Variants in C7orf78 observed in about 807,000 individuals in gnomAD.
C7orf78 encodes the protein chromosome 7 open reading frame 78, also known as putative uncharacterized protein C7orf78.
the C7orf78 span, among the ~76,000 whole-genome samples, chr7:12,533,209 G>A: frequency 2.0e-5 from 3 of 152,034 alleles, no homozygotes; most frequent in Admixed American, 2.0e-4. Flanking sequence ...TGTTTTGTTT[G>A]TTTGTTTTTG....
chr7:12,499,909 A>C, the C7orf78 span, among the ~76,000 whole-genome samples: 2 of 133,756 alleles, frequency 1.5e-5, no homozygotes, highest in African/African-American at 2.8e-5. Context: ...TCAAACTAGA[A>C]CTCAGTATTA....
At chr7:12,501,528 T>C in the C7orf78 span, among the ~76,000 whole-genome samples, 3 of 149,092 alleles carry the variant, frequency 2.0e-5, no homozygotes, top group African/African-American at 4.9e-5. Flanking sequence ...TTACAAGGGA[T>C]GTGAAGGACC....
the C7orf78 span, among the ~76,000 whole-genome samples, chr7:12,494,426 G>A: frequency 3.2e-4 from 48 of 152,164 alleles, no homozygotes; most frequent in African/African-American, 9.2e-4. Context: ...TGAAGAAGGA[G>A]GTGTCTAACC....
the C7orf78 span, among the ~76,000 whole-genome samples, chr7:12,497,718 G>A: frequency 6.6e-6 from 1 of 151,994 alleles, no homozygotes. Flanking sequence ...AGCTCGAACT[G>A]GGTGGAGCCC....
the C7orf78 span, among the ~76,000 whole-genome samples, chr7:12,524,484 AATAAC>A: frequency 2.6e-5 from 4 of 152,138 alleles, no homozygotes; most frequent in Admixed American, 6.6e-5. Context: ...ATTCATAGTA[AATAAC>A]ATATGTTACC....
At chr7:12,531,534 A>G in the C7orf78 span, among the ~76,000 whole-genome samples, 1 of 152,206 alleles carries the variant, frequency 6.6e-6, no homozygotes, top group South Asian at 2.1e-4. Flanking sequence ...AGAATTAAAT[A>G]AGATGATATA....
the C7orf78 span, chr7:12,538,204 A>G: frequency 9.0e-4 from 137 of 152,290 alleles, no homozygotes; most frequent in African/African-American, 3.1e-3. Context: ...ATTGTTTTAA[A>G]TTTCAAAAAG....
chr7:12,539,096 T>C, the C7orf78 span, among the ~76,000 whole-genome samples: 1 of 152,216 alleles, frequency 6.6e-6, no homozygotes, highest in African/African-American at 2.4e-5. Context: ...CCTTATTTTT[T>C]CCTTTCTCAC....
the C7orf78 span, chr7:12,506,778 C>T: frequency 3.0e-6 from 1 of 338,156 alleles, no homozygotes. Flanking sequence ...TACCCTAGAA[C>T]TTAAAGTATA....
chr7:12,513,740 C>G, the C7orf78 span, among the ~76,000 whole-genome samples: 1 of 152,150 alleles, frequency 6.6e-6, no homozygotes, highest in East Asian at 1.9e-4. Flanking sequence ...GTGGCTCATG[C>G]CTGTAATCCC....
At chr7:12,492,494 C>T in the C7orf78 span, among the ~76,000 whole-genome samples, 30,987 of 152,170 alleles carry the variant, frequency 0.2, 4,372 homozygotes, top group African/African-American at 0.4. Flanking sequence ...TATGGTCTTA[C>T]ATTGCTTTTG....
At chr7:12,525,933 G>T in the C7orf78 span, 2 of 395,144 alleles carry the variant, frequency 5.1e-6, no homozygotes, top group South Asian at 1.3e-4. Flanking sequence ...ATGAATATTG[G>T]AAAAAAAACT....
chr7:12,487,085 C>T, the C7orf78 span: 1 of 151,958 alleles, frequency 6.6e-6, no homozygotes, highest in Admixed American at 6.6e-5. Context: ...AGTTACCTAA[C>T]ATCTCAAGAC....
the C7orf78 span, among the ~76,000 whole-genome samples, chr7:12,528,710 G>A: frequency 1.3e-5 from 2 of 152,188 alleles, no homozygotes; most frequent in African/African-American, 4.8e-5. Flanking sequence ...GTTGGAGTTT[G>A]AAGAAAGACA....
At chr7:12,536,603 C>G in the C7orf78 span, among the ~76,000 whole-genome samples, 2 of 152,184 alleles carry the variant, frequency 1.3e-5, no homozygotes, top group African/African-American at 4.8e-5. Flanking sequence ...GGTTGAATTT[C>G]TCCTCAGAAA....
the C7orf78 span, among the ~76,000 whole-genome samples, chr7:12,508,597 C>A: frequency 1.3e-5 from 2 of 152,124 alleles, no homozygotes; most frequent in Admixed American, 6.5e-5. Flanking sequence ...CATGTATGGA[C>A]TAAATCAGGG....
chr7:12,523,259 A>G, the C7orf78 span: 4 of 398,320 alleles, frequency 1.0e-5, no homozygotes, highest in Non-Finnish European at 1.8e-5. Context: ...TCCAGAAACA[A>G]TGCTTCACTT....
the C7orf78 span, among the ~76,000 whole-genome samples, chr7:12,498,771 A>G: frequency 3.3e-5 from 5 of 149,370 alleles, no homozygotes; most frequent in African/African-American, 1.2e-4. Flanking sequence ...CAACTCCAAG[A>G]CACATAATTG....
chr7:12,521,826 T>G, the C7orf78 span, among the ~76,000 whole-genome samples: 25 of 152,078 alleles, frequency 1.6e-4, 1 homozygote, highest in Admixed American at 8.5e-4. Flanking sequence ...CATAAAAGAC[T>G]TTTAATACTA....
Sources: allele counts gnomAD v4.1 joint callset (sites outside exome capture counted in the v4.1 genomes callset), GRCh38; gene constraint gnomAD v4.1.1; transcripts MANE v1.5; gene names NCBI Gene and HGNC (gene_info 2026-07-23, HGNC 2026-07-21).